Variants in MYO5A observed in about 807,000 individuals in gnomAD.
MYO5A encodes myosin VA.
MYO5A carries 98 observed loss-of-function variants against 249.7 expected under a neutral mutation model. The observed-to-expected ratio is 0.39, with a 90% confidence interval of 0.33 to 0.46. The LOEUF (loss-of-function observed/expected upper bound fraction) is 0.46, where lower values mean the gene tolerates loss of function less well. Ranked by LOEUF, MYO5A falls within the 20% of genes least tolerant of loss-of-function variation. MYO5A has a pLI of 0.98. For missense variants in MYO5A, 1,696 were observed against 2,308.8 expected (o/e 0.73, Z 5.44); for synonymous variants, 778 against 810.6 (o/e 0.96, Z 0.68).
At chr15:52,523,579 G>A (rs1397624841) in intron 1 of MYO5A, among the ~76,000 whole-genome samples, 1 of 152,174 alleles carries the variant, frequency 6.6e-6, no homozygotes, top group South Asian at 2.1e-4. Flanking sequence ...ACCGTAATAA[G>A]ACAGAAACAT....
chr15:52,469,267 C>A (rs1303525254), intron 1 of MYO5A, among the ~76,000 whole-genome samples: 2 of 152,138 alleles, frequency 1.3e-5, no homozygotes, highest in Non-Finnish European at 2.9e-5. Context: ...TACTAATAGC[C>A]TCCTATTGAC....
intron 1 of MYO5A, among the ~76,000 whole-genome samples, chr15:52,496,015 G>A (rs888068571): frequency 6.6e-6 from 1 of 151,502 alleles, no homozygotes; most frequent in African/African-American, 2.4e-5. Flanking sequence ...AAACCAACAT[G>A]GCACATGTGT....
At chr15:52,424,924 G>A (rs933888184) in intron 4 of MYO5A, among the ~76,000 whole-genome samples, 5 of 152,102 alleles carry the variant, frequency 3.3e-5, no homozygotes, top group African/African-American at 7.2e-5. Context: ...TGCTGTTCAG[G>A]ATAACTGATG....
At position 52,317,193 on chromosome 15, in the gene MYO5A, A is replaced by C. The variant is rs756527152; in HGVS notation, c.5264T>G (p.Leu1755Arg). The C allele has an allele frequency of 1.9e-6, 3 of 1,613,982 alleles. No individual in the cohort carries two copies. Among genetic ancestry groups the C allele is most frequent in the Admixed American group, 1.7e-5 (1 of 59,998 alleles). ...RYNVSQLEEWLRDKNLMNSGA... is the reference protein window; with the variant it reads ...RYNVSQLEEWRRDKNLMNSGA... ...ACTATTCATCAGATTCTTGTCACGC[A>C]GCCATTCTTCCAGTTGACTGACATT... is the stretch of plus-strand genomic sequence containing the variant. The change falls in exon 40 of 42, where the codon CTG becomes CGG. Residue 1755 changes from leucine (L) to arginine (R), a missense_variant. Leu to Arg is a moderately radical substitution (Grantham distance 102). This residue lies in a region of MYO5A where 625 missense variants were observed against 908.1 expected (regional missense o/e 0.69). Coordinates refer to ENST00000399233, the MANE Select transcript of MYO5A (RefSeq NM_001382347.1).
chr15:52,432,452 T>A (rs191992357), intron 2 of MYO5A, among the ~76,000 whole-genome samples: 5 of 152,326 alleles, frequency 3.3e-5, no homozygotes, highest in Admixed American at 3.3e-4. Context: ...TCCAATATAG[T>A]CAAATAGTAT....
At chr15:52,335,795 A>G (rs1444095381) in intron 34 of MYO5A, among the ~76,000 whole-genome samples, 9 of 152,156 alleles carry the variant, frequency 5.9e-5, no homozygotes, top group Admixed American at 5.9e-4. Context: ...TTCCTCCATT[A>G]GACTGTAAGT....
chr15:52,366,629 CAAAAAAAA>C (rs60631867), intron 23 of MYO5A, among the ~76,000 whole-genome samples: 10 of 74,558 alleles, frequency 1.3e-4, no homozygotes, highest in East Asian at 3.5e-4. Context: ...ATTGATTTAG[CAAAAAAAA>C]AAAAAAAAAA....
At chr15:52,428,307 A>C (rs147903235) in intron 3 of MYO5A, 91 bp downstream of exon 3, 1 of 1,365,100 alleles carries the variant, frequency 7.3e-7, no homozygotes, top group Non-Finnish European at 1.0e-6. Context: ...AAATCCAACC[A>C]CAGCCTGCTT....
rs573352211 is a variant in MYO5A, at chr15:52,370,508, C to T, written c.2818-91G>A. The T allele has an allele frequency of 5.0e-5, 68 of 1,364,626 alleles. No individual in the cohort carries two copies. The South Asian group carries it at 7.2e-4, about 14-fold the overall frequency. The allele number at this position is 1,364,626 out of a possible 1,614,324, so 84.5% of individuals were successfully genotyped here. On this transcript the variant is annotated intron_variant, in intron 21 of 41. Coordinates refer to ENST00000399233, the MANE Select transcript of MYO5A (RefSeq NM_001382347.1). ...ACCATGTTTATTCATCATATTCATG[C>T]TATATCATCATAACATTGATATAGT...
chr15:52,456,030 G>A (rs1047249297), intron 1 of MYO5A, among the ~76,000 whole-genome samples: 3 of 152,082 alleles, frequency 2.0e-5, no homozygotes, highest in Non-Finnish European at 4.4e-5. Flanking sequence ...ACCCTTGCTC[G>A]CAGATGACAT....
At chr15:52,411,986 C>T (rs1435223201) in intron 5 of MYO5A, among the ~76,000 whole-genome samples, 11 of 152,178 alleles carry the variant, frequency 7.2e-5, no homozygotes, top group Non-Finnish European at 1.5e-5. Context: ...TGTTACCCCT[C>T]TTGATATTAC....
intron 26 of MYO5A, 102 bp downstream of exon 26, chr15:52,353,769 A>G (rs1215008623): frequency 1.2e-5 from 20 of 1,601,888 alleles, no homozygotes; most frequent in Non-Finnish European, 1.6e-5. Flanking sequence ...ACTTTAACCA[A>G]GTGGTGCTTG....
chr15:52,365,351 C>T (rs887214124), intron 23 of MYO5A, among the ~76,000 whole-genome samples: 1 of 152,216 alleles, frequency 6.6e-6, no homozygotes, highest in Non-Finnish European at 1.5e-5. Flanking sequence ...CATTTACCTA[C>T]ACCCTCAGCC....
intron 1 of MYO5A, among the ~76,000 whole-genome samples, chr15:52,460,599 C>G (rs2076228025): frequency 6.6e-6 from 1 of 152,228 alleles, no homozygotes; most frequent in South Asian, 2.1e-4. Flanking sequence ...GGCGGCAGTA[C>G]AGTCCAGCCT....
At chr15:52,334,290 G>T (rs1224618408) in intron 34 of MYO5A, among the ~76,000 whole-genome samples, 1 of 152,114 alleles carries the variant, frequency 6.6e-6, no homozygotes, top group Non-Finnish European at 1.5e-5. Flanking sequence ...ATCATTAGGA[G>T]TTGAACAAAA....
At chr15:52,512,487 T>C (rs986776078) in intron 1 of MYO5A, among the ~76,000 whole-genome samples, 21 of 151,450 alleles carry the variant, frequency 1.4e-4, no homozygotes, top group African/African-American at 5.1e-4. Context: ...TTAGAGAAAA[T>C]AGTATTCATA....
At chr15:52,467,742 A>C (rs2076380612) in intron 1 of MYO5A, among the ~76,000 whole-genome samples, 1 of 152,204 alleles carries the variant, frequency 6.6e-6, no homozygotes, top group African/African-American at 2.4e-5. Flanking sequence ...CTAAAGTCAA[A>C]GTGAAGGAAA....
At chr15:52,517,649 T>G (rs537016048) in intron 1 of MYO5A, among the ~76,000 whole-genome samples, 90 of 152,308 alleles carry the variant, frequency 5.9e-4, no homozygotes, top group African/African-American at 2.0e-3. Context: ...AAGCAGAGGT[T>G]GCAGTGAGCC....
intron 1 of MYO5A, among the ~76,000 whole-genome samples, chr15:52,472,344 G>C (rs979084172): frequency 6.6e-6 from 1 of 152,192 alleles, no homozygotes; most frequent in African/African-American, 2.4e-5. Context: ...CTCCTAAAGT[G>C]CTGGGATTAC....
Sources: gnomAD v4.1 joint callset for allele counts (sites outside exome capture counted in the v4.1 genomes callset) on GRCh38, gnomAD v4.1.1 for gene constraint, gnomAD v4.1.1 regional missense constraint, MANE v1.5 for transcripts, NCBI Gene and HGNC (gene_info 2026-07-23, HGNC 2026-07-21) for gene names.